The following OXCT1 variants were observed in gnomAD, a reference collection of about 807,000 sequenced individuals.
The protein encoded by OXCT1 is succinyl-CoA:3-ketoacid coenzyme A transferase 1, mitochondrial.
Under a neutral mutation model 69.6 loss-of-function variants are expected in OXCT1, and 27 were observed. The ratio of observed to expected loss-of-function variants is 0.39; its 90% CI spans 0.29 to 0.54. The LOEUF is 0.54. Ranked by LOEUF, OXCT1 falls within the 20% of genes least tolerant of loss-of-function variation. OXCT1 has a pLI of 0.72. For synonymous variants in OXCT1, 202 were observed against 217.8 expected, an observed-to-expected ratio of 0.93 and a Z score of 0.64; for missense variants, 437 against 650.2, an observed-to-expected ratio of 0.67 and a Z score of 3.57.
chr5:41,737,716 AC>A (rs774160841), intron 16 of OXCT1, among the ~76,000 whole-genome samples: 1 of 152,248 alleles, frequency 6.6e-6, no homozygotes, highest in Non-Finnish European at 1.5e-5. Flanking sequence ...AGTACCAGGA[AC>A]AGTTATTATA....
chr5:41,746,657 G>C (rs890191444), intron 15 of OXCT1, among the ~76,000 whole-genome samples: 1 of 152,038 alleles, frequency 6.6e-6, no homozygotes, highest in Non-Finnish European at 1.5e-5. Flanking sequence ...ACACCCGCAA[G>C]TTTATTCCAA....
At chr5:41,748,440 T>G (rs1437161025) in intron 15 of OXCT1, among the ~76,000 whole-genome samples, 2 of 152,070 alleles carry the variant, frequency 1.3e-5, no homozygotes, top group Non-Finnish European at 2.9e-5. Context: ...GGGTAAAAGA[T>G]TGCTTTGCTT....
intron 7 of OXCT1, among the ~76,000 whole-genome samples, chr5:41,812,856 A>C (rs969901144): frequency 2.6e-5 from 4 of 152,042 alleles, no homozygotes; most frequent in Admixed American, 6.6e-5. Flanking sequence ...ACCCTTAAAG[A>C]GCCTGAAGAT....
At chr5:41,853,031 G>A (rs536250801) in intron 4 of OXCT1, among the ~76,000 whole-genome samples, 3 of 151,710 alleles carry the variant, frequency 2.0e-5, no homozygotes, top group Admixed American at 1.3e-4. Flanking sequence ...AGATCACACC[G>A]CCGCACTCCA....
chr5:41,781,418 G>A (rs554026332), intron 13 of OXCT1, among the ~76,000 whole-genome samples: 31 of 149,752 alleles, frequency 2.1e-4, no homozygotes, highest in African/African-American at 6.1e-4. Context: ...TAAAGTGACC[G>A]CAGGGACACA....
In OXCT1 at chr5:41,862,658, G is replaced by A; in HGVS notation, c.171C>T (p.Ala57=). The A allele has an allele frequency of 6.2e-7, 1 of 1,606,928 alleles. No individual in the cohort carries two copies. Among genetic ancestry groups the A allele is most frequent in the South Asian group, 1.1e-5 (1 of 90,926 alleles). Residue 57 remains alanine (A), a synonymous_variant, in exon 2 of 17, where the codon GCC becomes GCT. Transcript: ENST00000196371. ...AGTACTCACCACCAACCAAAACCGT[G>A]GCACCATCAGGGATGTCTTTTACAG... ...VEAVKDIPDG[A]TVLVGGFGLC...
chr5:41,802,994 A>G (rs760488372), intron 10 of OXCT1, 75 bp downstream of exon 10: 7 of 1,083,452 alleles, frequency 6.5e-6, no homozygotes, highest in Non-Finnish European at 9.8e-6. Context: ...AAAAAAATTT[A>G]ATAAAAAATT....
chr5:41,809,834 C>T (rs771531543), intron 7 of OXCT1, among the ~76,000 whole-genome samples: 1 of 151,980 alleles, frequency 6.6e-6, no homozygotes, highest in Non-Finnish European at 1.5e-5. Context: ...AAAACAACTC[C>T]GATAAGCAAG....
chr5:41,732,973 A>G (rs1742709072), intron 16 of OXCT1, among the ~76,000 whole-genome samples: 1 of 152,190 alleles, frequency 6.6e-6, no homozygotes, highest in Admixed American at 6.5e-5. Context: ...AATGTCTACT[A>G]AAAGAATAAA....
chr5:41,794,493 G>GA, intron 12 of OXCT1, 184 bp downstream of exon 12: 1 of 635,030 alleles, frequency 1.6e-6, no homozygotes, highest in Non-Finnish European at 2.8e-6. Flanking sequence ...TTTCCTAACA[G>GA]TGGGCTGGAT....
intron 4 of OXCT1, among the ~76,000 whole-genome samples, 193 bp downstream of exon 4, chr5:41,853,226 C>CT (rs1389862900): frequency 2.0e-5 from 3 of 152,092 alleles, no homozygotes; most frequent in Non-Finnish European, 4.4e-5. Flanking sequence ...AGAAATATCT[C>CT]TTTTTTCAGT....
chr5:41,825,331 C>T (rs189069995), intron 7 of OXCT1, among the ~76,000 whole-genome samples: 73 of 152,226 alleles, frequency 4.8e-4, no homozygotes, highest in African/African-American at 1.7e-3. Context: ...AGAAGGTAAA[C>T]TCTAGTCTTA....
chr5:41,754,496 C>G (rs543770989), intron 14 of OXCT1, among the ~76,000 whole-genome samples: 1 of 152,026 alleles, frequency 6.6e-6, no homozygotes, highest in East Asian at 1.9e-4. Context: ...ACACCATATG[C>G]CTATATCAAA....
chr5:41,801,111 CT>C, intron 10 of OXCT1, 41 bp from the exon 11 acceptor site: 1 of 1,395,736 alleles, frequency 7.2e-7, no homozygotes, highest in Non-Finnish European at 1.0e-6. Context: ...AATGAAGATT[CT>C]CACTGAATCA....
At chr5:41,773,252 G>A (rs1164345312) in intron 13 of OXCT1, among the ~76,000 whole-genome samples, 1 of 151,906 alleles carries the variant, frequency 6.6e-6, no homozygotes, top group East Asian at 1.9e-4. Flanking sequence ...CAAAAGCTTT[G>A]GTGAAGAACT....
intron 13 of OXCT1, among the ~76,000 whole-genome samples, chr5:41,781,738 G>C (rs900592456): frequency 3.5e-4 from 53 of 152,232 alleles, no homozygotes; most frequent in African/African-American, 1.2e-3. Flanking sequence ...AGTTTGCTGA[G>C]GATAATGGCT....
At chr5:41,749,407 G>A (rs932485723) in intron 15 of OXCT1, 120 bp downstream of exon 15, 24 of 660,876 alleles carry the variant, frequency 3.6e-5, no homozygotes, top group Admixed American at 2.9e-4. Context: ...TTTCCTATTC[G>A]TTCTGCCCAC....
At chr5:41,817,110 T>C (rs1393548174) in intron 7 of OXCT1, among the ~76,000 whole-genome samples, 2 of 152,120 alleles carry the variant, frequency 1.3e-5, no homozygotes, top group Non-Finnish European at 2.9e-5. Context: ...TTAAGTATGA[T>C]GATTAAAAGA....
chr5:41,831,825 A>G (rs186585601), intron 7 of OXCT1, among the ~76,000 whole-genome samples: 1 of 152,192 alleles, frequency 6.6e-6, no homozygotes, highest in Non-Finnish European at 1.5e-5. Context: ...CCTCAAAAAT[A>G]GACATTTAAA....
Sources: allele counts gnomAD v4.1 joint callset (sites outside exome capture counted in the v4.1 genomes callset), GRCh38; gene constraint gnomAD v4.1.1; transcripts MANE v1.5; gene names NCBI Gene and HGNC (gene_info 2026-07-23, HGNC 2026-07-21).